Variants in GULP1 observed in about 807,000 individuals in gnomAD.
GULP1 encodes the protein GULP PTB domain containing engulfment adaptor 1, also known as PTB domain-containing engulfment adapter protein 1.
Under a neutral mutation model 40.9 loss-of-function variants are expected in GULP1, and 19 were observed. The observed-to-expected ratio is 0.46, with a 90% CI of 0.32 to 0.68. GULP1 has a LOEUF of 0.68. Ranked by LOEUF, GULP1 falls within the 30% of genes least tolerant of loss-of-function variation. The probability of loss-of-function intolerance (pLI) is 0.03; values close to 1 mark genes in which losing one functional copy is unlikely to be tolerated. For missense variants in GULP1, 312 were observed against 362.2 expected (o/e 0.86, Z 1.12); for synonymous variants, 119 against 117.6 (o/e 1.01, Z -0.08).
chr2:188,445,269 G>T (rs953390051), intron 2 of GULP1, among the ~76,000 whole-genome samples: 1 of 151,750 alleles, frequency 6.6e-6, no homozygotes, highest in South Asian at 2.1e-4. Flanking sequence ...GAAAATTATA[G>T]TAGAAACAAA....
chr2:188,452,858 A>G (rs1359853821), intron 2 of GULP1, among the ~76,000 whole-genome samples: 2 of 152,252 alleles, frequency 1.3e-5, no homozygotes, highest in East Asian at 3.8e-4. Context: ...GTAGTAAATC[A>G]TATTAAAACT....
chr2:188,379,219 AT>A (rs2048698973), intron 1 of GULP1, among the ~76,000 whole-genome samples: 1 of 152,186 alleles, frequency 6.6e-6, no homozygotes, highest in Non-Finnish European at 1.5e-5. Context: ...TTGATTTTAA[AT>A]TGATAAATTT....
chr2:188,537,808 C>G (rs932258009), intron 6 of GULP1, among the ~76,000 whole-genome samples: 1 of 152,078 alleles, frequency 6.6e-6, no homozygotes, highest in African/African-American at 2.4e-5. Flanking sequence ...GTGAATCCAT[C>G]TGCTCTGGGG....
At chr2:188,547,282 CAT>C (rs534713093) in intron 7 of GULP1, among the ~76,000 whole-genome samples, 1 of 149,128 alleles carries the variant, frequency 6.7e-6, no homozygotes, top group Non-Finnish European at 1.5e-5. Context: ...TCCTCAGGAA[CAT>C]AAATGTAAAA....
chr2:188,544,730 C>T (rs1006192514), intron 7 of GULP1, among the ~76,000 whole-genome samples: 1 of 151,794 alleles, frequency 6.6e-6, no homozygotes, highest in African/African-American at 2.4e-5. Context: ...AAAACAGAAC[C>T]TCATGGACTG....
intron 1 of GULP1, among the ~76,000 whole-genome samples, chr2:188,370,771 A>G (rs1414635737): frequency 6.6e-6 from 1 of 152,214 alleles, no homozygotes; most frequent in East Asian, 1.9e-4. Flanking sequence ...AACATTGGCC[A>G]AAAGCACAGT....
At chr2:188,388,366 C>CA (rs61586502) in intron 2 of GULP1, among the ~76,000 whole-genome samples, 103,168 of 126,412 alleles carry the variant, frequency 0.82, 41,945 homozygotes, top group East Asian at 0.92. Context: ...CCATCTCTAC[C>CA]AAAAAAAAAA....
chr2:188,321,678 C>A (rs774274221), intron 1 of GULP1, among the ~76,000 whole-genome samples: 1 of 149,236 alleles, frequency 6.7e-6, no homozygotes, highest in Non-Finnish European at 1.5e-5. Flanking sequence ...TTTTTTTTTT[C>A]AGTACACATT....
intron 7 of GULP1, among the ~76,000 whole-genome samples, chr2:188,545,841 A>G (rs886139892): frequency 2.0e-5 from 3 of 151,958 alleles, no homozygotes; most frequent in African/African-American, 7.2e-5. Flanking sequence ...GTTCATTGCA[A>G]ACATAATGGT....
chr2:188,338,479 GT>G (rs1216551128), intron 1 of GULP1, among the ~76,000 whole-genome samples: 1 of 151,700 alleles, frequency 6.6e-6, no homozygotes, highest in African/African-American at 2.4e-5. Flanking sequence ...TAATTTCTAA[GT>G]TTTTTGTAGT....
Position 188,506,062 on chromosome 2 carries a change from A to G in GULP1, c.91-16694A>G, listed in dbSNP as rs974573838. The stretch of plus-strand genomic sequence containing the variant: ...TTAGGAAAGAAGTTTCTAGAAGAAT[A>G]TATACAATATAATTAGCACCTAATA... On this transcript the variant is annotated intron_variant, in intron 4 of 11. Transcript: ENST00000409830. Among the ~76,000 whole-genome samples, 3 of 151,900 alleles carry G rather than the reference A, an allele frequency of 2.0e-5. 1 individual carries two copies. Among genetic ancestry groups the G allele is most frequent in the East Asian group, 1.9e-4 (1 of 5,176 alleles).
intron 6 of GULP1, among the ~76,000 whole-genome samples, chr2:188,538,723 T>TGA (rs1048880811): frequency 1.4e-5 from 2 of 147,298 alleles, no homozygotes; most frequent in Non-Finnish European, 3.0e-5. Flanking sequence ...GTGTGTGTAG[T>TGA]GAGAGAGAGA....
chr2:188,499,213 G>A (rs1302323996), intron 4 of GULP1, among the ~76,000 whole-genome samples: 4 of 144,826 alleles, frequency 2.8e-5, no homozygotes, highest in African/African-American at 1.0e-4. Flanking sequence ...GGAGTAAATG[G>A]TAACAACTTT....
chr2:188,404,217 G>A (rs943122013), intron 2 of GULP1, among the ~76,000 whole-genome samples: 1 of 152,028 alleles, frequency 6.6e-6, no homozygotes, highest in Non-Finnish European at 1.5e-5. Flanking sequence ...TAATTATAAA[G>A]ACTGGTTGTC....
chr2:188,523,654 C>T (rs951254505), intron 5 of GULP1, among the ~76,000 whole-genome samples: 7 of 152,024 alleles, frequency 4.6e-5, no homozygotes, highest in African/African-American at 1.7e-4. Context: ...TAGGGACCAT[C>T]CGGTTATTCT....
At chr2:188,574,202 T>A (rs1699714371) in intron 9 of GULP1, among the ~76,000 whole-genome samples, 1 of 151,732 alleles carries the variant, frequency 6.6e-6, no homozygotes, top group Non-Finnish European at 1.5e-5. Context: ...ATTTTGGGAG[T>A]TGTGGAATTA....
chr2:188,558,834 T>C (rs1264143605), intron 7 of GULP1, among the ~76,000 whole-genome samples: 3 of 152,100 alleles, frequency 2.0e-5, no homozygotes, highest in Non-Finnish European at 1.5e-5. Flanking sequence ...CACTAGAGAT[T>C]TGTGGAAGTT....
chr2:188,360,472 A>C (rs969485409), intron 1 of GULP1, among the ~76,000 whole-genome samples: 1 of 151,850 alleles, frequency 6.6e-6, no homozygotes, highest in East Asian at 1.9e-4. Context: ...TTTTTCTGGC[A>C]TCAAATCTTG....
At chr2:188,489,240 T>C (rs1247300572) in intron 4 of GULP1, among the ~76,000 whole-genome samples, 2 of 152,052 alleles carry the variant, frequency 1.3e-5, no homozygotes, top group African/African-American at 4.8e-5. Context: ...ATCGATGAGA[T>C]GCCTTGTTGA....
Sources: allele counts gnomAD v4.1 joint callset (sites outside exome capture counted in the v4.1 genomes callset), GRCh38; gene constraint gnomAD v4.1.1; transcripts MANE v1.5; gene names NCBI Gene and HGNC (gene_info 2026-07-23, HGNC 2026-07-21).